PARP1: variants seen among roughly 807,000 people sequenced by gnomAD.
The protein encoded by PARP1 is poly(ADP-ribose) polymerase 1.
A neutral mutation model predicts 118.7 loss-of-function variants in PARP1; 44 were observed. That is an observed-to-expected ratio of 0.37 (90% CI 0.29 to 0.48). The LOEUF is 0.48. PARP1 is among the 20% of genes least tolerant of loss of function. The probability of loss-of-function intolerance (pLI) is 0.99; values close to 1 mark genes in which losing one functional copy is unlikely to be tolerated. For missense variants in PARP1, 1,100 were observed against 1,272.4 expected, an observed-to-expected ratio of 0.86 and a Z score of 2.06; for synonymous variants, 492 against 483.2, an observed-to-expected ratio of 1.02 and a Z score of -0.24.
In PARP1 at chr1:226,390,519, G is replaced by C. The variant is rs1417391903; in HGVS notation, c.508C>G (p.Leu170Val). 2 of 1,614,192 alleles carry C rather than the reference G, an allele frequency of 1.2e-6. No homozygotes were observed. The highest frequency in any genetic ancestry group is 1.1e-5 in the South Asian group (1 of 91,080). ...GCACTGTACTCGGGCCGGAAACCCA[G>C]CTCCTCCCTGTTCTTGACAAAGCAG... The part of the protein sequence containing the change: ...PGCFVKNREE[L>V]GFRPEYSASQ... Residue 170 changes from leucine to valine, a missense_variant, in exon 4 of 23, where the codon CTG becomes GTG. Around this residue, in one of 2 missense-constraint regions of PARP1, gnomAD observed 948 missense variants for 1,031.8 expected, o/e 0.92. Transcript: ENST00000366794.
At chr1:226,365,855 T>C (rs1664253819) in intron 18 of PARP1, 99 bp downstream of exon 18, 1 of 770,236 alleles carries the variant, frequency 1.3e-6, no homozygotes, top group African/African-American at 1.7e-5. Context: ...TTATTTAAAG[T>C]AAATAAACTG....
At chr1:226,362,947 C>T in intron 21 of PARP1, 152 bp downstream of exon 21, 1 of 670,914 alleles carries the variant, frequency 1.5e-6, no homozygotes, top group Non-Finnish European at 2.7e-6. Context: ...CAAACAACAA[C>T]AACAACGCAC....
chr1:226,377,971 T>C (rs957398157), intron 12 of PARP1, among the ~76,000 whole-genome samples: 4 of 152,120 alleles, frequency 2.6e-5, no homozygotes, highest in Non-Finnish European at 4.4e-5. Flanking sequence ...ATTTTAAAGA[T>C]AGAACTACAG....
intron 1 of PARP1, among the ~76,000 whole-genome samples, chr1:226,407,042 G>A (rs542244523): frequency 2.6e-5 from 4 of 152,202 alleles, no homozygotes; most frequent in African/African-American, 9.6e-5. Context: ...CTGGAGGCAG[G>A]AGCCCCTGGG....
chr1:226,381,106 C>A lies in PARP1; in HGVS notation c.1262G>T (p.Gly421Val), dbSNP rs1404803220. The change falls in exon 9 of 23, where the codon GGG (glycine) becomes GTG (valine). Residue 421 changes from glycine (G) to valine (V), a missense_variant. Physicochemically the swap from Gly to Val is moderately radical, Grantham distance 109. Around this residue, in one of 2 missense-constraint regions of PARP1, gnomAD observed 948 missense variants for 1,031.8 expected, o/e 0.92. Transcript: ENST00000366794. Reference protein sequence around the residue: ...MIEKLGGKLTGTANKASLCIS... With the variant: ...MIEKLGGKLTVTANKASLCIS... ...GCACAGGGAAGCCTTGTTGGCCGTC[C>A]CCGTCAACTTCCCCCCGAGTTTCTC... 1.2e-6 allele frequency: 2 copies of A among 1,614,028 alleles called. No homozygotes were observed. Among genetic ancestry groups the A allele is most frequent in the African/African-American group, 2.7e-5 (2 of 74,908 alleles).
chr1:226,393,802 A>T (rs1576401081), intron 2 of PARP1, among the ~76,000 whole-genome samples: 1 of 152,208 alleles, frequency 6.6e-6, no homozygotes, highest in Non-Finnish European at 1.5e-5. Flanking sequence ...ATTTGTCAAA[A>T]CTCACTGAAC....
chr1:226,405,682 C>G (rs1292207014), intron 1 of PARP1, among the ~76,000 whole-genome samples: 2 of 152,158 alleles, frequency 1.3e-5, no homozygotes, highest in Non-Finnish European at 2.9e-5. Context: ...TAACTTCCTC[C>G]ACAGCGGTGT....
At position 226,365,139 on chromosome 1, in the gene PARP1, G is replaced by A. The variant is rs376334288; in HGVS notation, c.2521C>T (p.Arg841Cys). Residue 841 changes from arginine to cysteine, a missense_variant, in exon 19 of 23, where the codon CGT becomes TGT. Coordinates refer to ENST00000366794, the MANE Select transcript of PARP1 (RefSeq NM_001618.4). ...LEVIDIFKIEREGECQRYKPF... is the reference protein window; with the variant it reads ...LEVIDIFKIECEGECQRYKPF... ...TTGTAACGCTGGCATTCGCCTTCAC[G>A]CTCTATCTTAAAGATCTGGTTGGAG... 6.2e-7 allele frequency: 1 copy of A among 1,614,182 alleles called. No individual in the cohort carries two copies. The highest frequency in any genetic ancestry group is 8.5e-7 in the Non-Finnish European group (1 of 1,180,024).
intron 2 of PARP1, among the ~76,000 whole-genome samples, chr1:226,400,959 G>A (rs1225639902): frequency 6.6e-6 from 1 of 152,192 alleles, no homozygotes; most frequent in South Asian, 2.1e-4. Context: ...ACAGCGTATG[G>A]CACTGTGCTT....
At chr1:226,401,942 C>T (rs960586806) in intron 2 of PARP1, 65 of 1,430,306 alleles carry the variant, frequency 4.5e-5, no homozygotes, top group Non-Finnish European at 5.9e-5. Flanking sequence ...TCTTTGCTTA[C>T]TTTTGCCATG....
At chr1:226,362,184 C>CTTT in intron 21 of PARP1, 101 bp from the exon 22 acceptor site, 4 of 603,968 alleles carry the variant, frequency 6.6e-6, no homozygotes, top group East Asian at 3.0e-5. Flanking sequence ...TGTGGTCTTT[C>CTTT]TTTTTTTTTT....
chr1:226,361,256 C>G lies in PARP1; in HGVS notation c.*204G>C, dbSNP rs1664130295. Reference sequence around the variant, plus strand: ...AGAAAAAACAAAAACAACCCCAAAACAACCCCTCCCCACAGACACAACACA... The same window carrying G: ...AGAAAAAACAAAAACAACCCCAAAAGAACCCCTCCCCACAGACACAACACA... On this transcript the variant is annotated 3_prime_UTR_variant, in exon 23 of 23. Coordinates refer to ENST00000366794, the MANE Select transcript of PARP1 (RefSeq NM_001618.4). 4 of 621,602 alleles carry G rather than the reference C, an allele frequency of 6.4e-6. No individual in the cohort carries two copies. The highest frequency in any genetic ancestry group is 1.2e-5 in the Non-Finnish European group (4 of 345,238). 38.5% of individuals were successfully genotyped at this position (621,602 alleles called of 1,614,324 possible).
intron 2 of PARP1, among the ~76,000 whole-genome samples, chr1:226,394,511 A>G (rs1029225641): frequency 7.2e-5 from 11 of 152,266 alleles, no homozygotes; most frequent in African/African-American, 2.7e-4. Flanking sequence ...TTTGAACAGT[A>G]ACTGCACATC....
intron 14 of PARP1, chr1:226,370,864 T>C: frequency 3.2e-6 from 1 of 316,442 alleles, no homozygotes; most frequent in Admixed American, 4.1e-5. Context: ...TAAATCATGC[T>C]GACCACCCCA....
chr1:226,362,220 C>T (rs950700454), intron 21 of PARP1, 137 bp from the exon 22 acceptor site: 47 of 647,710 alleles, frequency 7.3e-5, no homozygotes, highest in Middle Eastern at 4.1e-4. Flanking sequence ...TGGAGTCTCA[C>T]TGTCGCCCAG....
chr1:226,363,360 G>C (rs916603413), intron 20 of PARP1, among the ~76,000 whole-genome samples, 200 bp from the exon 21 acceptor site: 1 of 152,152 alleles, frequency 6.6e-6, no homozygotes, highest in Non-Finnish European at 1.5e-5. Context: ...AACATAGTTT[G>C]TGCCCAGCGA....
chr1:226,393,151 C>T (rs183142575), intron 2 of PARP1, among the ~76,000 whole-genome samples: 3 of 152,118 alleles, frequency 2.0e-5, no homozygotes, highest in African/African-American at 7.2e-5. Context: ...ACGCAGGGCA[C>T]ACTGTCAATA....
At position 226,385,633 on chromosome 1, in the gene PARP1, G is replaced by A. The variant is rs769595775; in HGVS notation, c.882C>T (p.Pro294=). 25 of 1,614,030 alleles carry A rather than the reference G, an allele frequency of 1.5e-5. No homozygotes were observed. The highest frequency in any genetic ancestry group is 2.1e-5 in the Non-Finnish European group (25 of 1,180,024). Residue 294 remains proline, a synonymous_variant, in exon 7 of 23, where the codon CCC becomes CCT. Coordinates refer to ENST00000366794, the MANE Select transcript of PARP1 (RefSeq NM_001618.4). ...ADGMVFGALL[P]CEECSGQLVF... ...CCAGCTGACCCGAGCATTCCTCGCA[G>A]GGAAGGAGGGCACCGAACACCATGC...
chr1:226,374,124 GT>G, intron 14 of PARP1, 101 bp downstream of exon 14: 2 of 1,383,360 alleles, frequency 1.4e-6, no homozygotes, highest in Admixed American at 1.7e-5. Flanking sequence ...CCAATGTATT[GT>G]TTTTGAAACA....
Sources: allele counts gnomAD v4.1 joint callset (sites outside exome capture counted in the v4.1 genomes callset), GRCh38; gene constraint gnomAD v4.1.1; regional missense constraint gnomAD v4.1.1; transcripts MANE v1.5; gene names NCBI Gene and HGNC (gene_info 2026-07-23, HGNC 2026-07-21).